RGMA: variants seen among roughly 807,000 people sequenced by gnomAD.
RGMA encodes the protein repulsive guidance molecule BMP co-receptor a, also known as repulsive guidance molecule A.
A neutral mutation model predicts 23.2 loss-of-function variants in RGMA; 10 were observed. The ratio of observed to expected loss-of-function variants is 0.43; its 90% CI spans 0.27 to 0.73. The LOEUF is 0.73. Among genes scored for constraint, RGMA ranks in the 30% least tolerant of loss-of-function variants. The probability of loss-of-function intolerance (pLI) is 0.20; values close to 1 mark genes in which losing one functional copy is unlikely to be tolerated. For synonymous variants in RGMA, 308 were observed against 279.3 expected (o/e 1.10, Z -1.03); for missense variants, 547 against 630.5 (o/e 0.87, Z 1.42).
At chr15:93,060,296 G>T (rs4778080) in intron 2 of RGMA, among the ~76,000 whole-genome samples, 93,782 of 152,014 alleles carry the variant, frequency 0.62, 29,125 homozygotes, top group East Asian at 0.82. Context: ...GCATATTATG[G>T]GGTATTATGT....
At chr15:93,082,175 G>C (rs1292213095) in intron 1 of RGMA, among the ~76,000 whole-genome samples, 1 of 152,232 alleles carries the variant, frequency 6.6e-6, no homozygotes, top group Admixed American at 6.5e-5. Flanking sequence ...ATCATGGACA[G>C]GAACTATTGT....
intron 2 of RGMA, among the ~76,000 whole-genome samples, chr15:93,059,751 C>A (rs2141822978): frequency 6.6e-6 from 1 of 152,330 alleles, no homozygotes; most frequent in African/African-American, 2.4e-5. Flanking sequence ...GGTCAAGGAC[C>A]TGAATGAAAT....
intron 1 of RGMA, chr15:93,088,550 T>TG (rs1195404260): frequency 9.9e-7 from 1 of 1,010,926 alleles, no homozygotes; most frequent in Non-Finnish European, 1.2e-6. Context: ...CGCGGGCCAA[T>TG]GGGGGTTCAC....
At chr15:93,056,935 G>A (rs2055024298) in intron 2 of RGMA, among the ~76,000 whole-genome samples, 1 of 152,180 alleles carries the variant, frequency 6.6e-6, no homozygotes, top group African/African-American at 2.4e-5. Context: ...GCCCCGGGAG[G>A]TCAGAGGTTA....
intron 2 of RGMA, 108 bp downstream of exon 2, chr15:93,072,808 G>T: frequency 2.4e-6 from 3 of 1,227,146 alleles, no homozygotes; most frequent in Non-Finnish European, 2.3e-6. Flanking sequence ...GGCGGGGTCC[G>T]GAGGAGGTCC....
intron 2 of RGMA, among the ~76,000 whole-genome samples, chr15:93,052,849 T>C (rs897781959): frequency 1.3e-5 from 2 of 152,180 alleles, no homozygotes; most frequent in African/African-American, 4.8e-5. Flanking sequence ...TATATACACT[T>C]TCATGGCCAT....
intron 2 of RGMA, among the ~76,000 whole-genome samples, chr15:93,062,451 G>A (rs1894997162): frequency 1.3e-5 from 2 of 152,228 alleles, no homozygotes; most frequent in South Asian, 2.1e-4. Context: ...AAGATCTGAC[G>A]ACAGGGACCT....
chr15:93,047,279 CAG>C (rs1239751794), intron 3 of RGMA, among the ~76,000 whole-genome samples: 2 of 152,164 alleles, frequency 1.3e-5, no homozygotes, highest in African/African-American at 4.8e-5. Flanking sequence ...GGGTTGGAAA[CAG>C]AGAAACTGGG....
At position 93,065,654 on chromosome 15, in the gene RGMA, C is replaced by T. The variant is rs1044485968; in HGVS notation, c.130+7262G>A. On this transcript the variant is annotated intron_variant, in intron 2 of 3. Coordinates refer to ENST00000329082, the MANE Select transcript of RGMA (RefSeq NM_020211.3). ...TGAGGTCTCAGGGGCTGCGGGCTGCCGGGGGCCGGGGCCTGCTGCCCTCTC... is the reference window on the plus strand; with the variant it reads ...TGAGGTCTCAGGGGCTGCGGGCTGCTGGGGGCCGGGGCCTGCTGCCCTCTC... The T allele has an allele frequency of 1.5e-5, 15 of 1,011,044 alleles. No individual in the cohort carries two copies. The East Asian group carries it at 2.0e-4, about 13-fold the overall frequency. 62.6% of individuals were successfully genotyped at this position (1,011,044 alleles called of 1,614,324 possible).
At position 93,080,505 on chromosome 15, in the gene RGMA, A is replaced by G. The variant is rs181783094; in HGVS notation, c.15-7474T>C. On this transcript the variant is annotated intron_variant, in intron 1 of 3. Transcript: ENST00000329082. ...GTTTGGGCAGCTCTGGGTGACTCCCAGCTGCCAGGCCACCTCTGATGAGAT... is the reference window on the plus strand; with the variant it reads ...GTTTGGGCAGCTCTGGGTGACTCCCGGCTGCCAGGCCACCTCTGATGAGAT... Among the ~76,000 whole-genome samples, 371 of 152,338 alleles carry G rather than the reference A, an allele frequency of 2.4e-3. 3 individuals are homozygous for G. Among genetic ancestry groups the G allele is most frequent in the East Asian group, 0.014 (72 of 5,186 alleles).
At chr15:93,084,245 A>C (rs1895602305) in intron 1 of RGMA, among the ~76,000 whole-genome samples, 1 of 152,228 alleles carries the variant, frequency 6.6e-6, no homozygotes, top group East Asian at 1.9e-4. Flanking sequence ...GCACACTGGC[A>C]ACACATTTCT....
Position 93,044,820 on chromosome 15 carries a change from T to C in RGMA, c.*178A>G. Reference sequence around the variant, plus strand: ...CATCATGGCACCAGTCACCACAACCTTGTCACGTGCACTAGAAGGGGAGGG... The same window carrying C: ...CATCATGGCACCAGTCACCACAACCCTGTCACGTGCACTAGAAGGGGAGGG... On this transcript the variant is annotated 3_prime_UTR_variant, in exon 4 of 4. Transcript: ENST00000329082. The C allele has an allele frequency of 1.1e-5, 7 of 609,908 alleles. No individual in the cohort carries two copies. The highest frequency in any genetic ancestry group is 2.0e-5 in the Non-Finnish European group (7 of 344,276). The allele number at this position is 609,908 out of a possible 1,614,324, so 37.8% of individuals were successfully genotyped here. A position where few individuals can be genotyped will look rare whatever the true frequency, so the allele number is the denominator to read the frequency against.
chr15:93,077,091 C>G (rs755175997), intron 1 of RGMA, among the ~76,000 whole-genome samples: 3 of 152,158 alleles, frequency 2.0e-5, no homozygotes, highest in African/African-American at 4.8e-5. Context: ...ACACCCAGCA[C>G]GCCAGGAACA....
At chr15:93,071,236 G>A (rs1359874535) in intron 2 of RGMA, among the ~76,000 whole-genome samples, 1 of 152,170 alleles carries the variant, frequency 6.6e-6, no homozygotes, top group Admixed American at 6.5e-5. Flanking sequence ...GCAAACTCCT[G>A]CTTTTCCAAA....
intron 1 of RGMA, among the ~76,000 whole-genome samples, chr15:93,079,876 G>T (rs928528171): frequency 5.9e-5 from 9 of 152,112 alleles, no homozygotes; most frequent in African/African-American, 2.2e-4. Context: ...GGAGGTACAG[G>T]GTGCATGCCT....
Position 93,088,984 on chromosome 15 carries a change from G to C in RGMA, c.-52C>G, listed in dbSNP as rs1030520419. The stretch of plus-strand genomic sequence containing the variant: ...CGCTGGCGGGGCTGCGGGAGAAGAG[G>C]GGGTGTCGGGGCGCCGCTCGTCTGC... On this transcript the variant is annotated 5_prime_UTR_variant, in exon 1 of 4. Coordinates refer to ENST00000329082, the MANE Select transcript of RGMA (RefSeq NM_020211.3). The C allele has an allele frequency of 2.4e-5, 30 of 1,267,266 alleles. No homozygotes were observed. The highest frequency in any genetic ancestry group is 1.9e-4 in the African/African-American group (12 of 63,226). The allele number at this position is 1,267,266 out of a possible 1,614,324, so 78.5% of individuals were successfully genotyped here.
At chr15:93,080,163 C>T (rs1444764098) in intron 1 of RGMA, among the ~76,000 whole-genome samples, 1 of 151,960 alleles carries the variant, frequency 6.6e-6, no homozygotes, top group Non-Finnish European at 1.5e-5. Flanking sequence ...CCAAATATTG[C>T]CAAGTATTGG....
Position 93,089,057 on chromosome 15 carries a change from C to G in RGMA, c.-125G>C. On this transcript the variant is annotated 5_prime_UTR_variant, in exon 1 of 4. Coordinates refer to ENST00000329082, the MANE Select transcript of RGMA (RefSeq NM_020211.3). ...TCCGCTGGCGCTGGTCCCCGCCGCC[C>G]CGGCCGGCTCAGCAGCGGCCCGGGG... The G allele has an allele frequency of 7.8e-6, 4 of 513,186 alleles. No individual in the cohort carries two copies. Among genetic ancestry groups the G allele is most frequent in the Non-Finnish European group, 1.2e-5 (4 of 324,172 alleles). 31.8% of individuals were successfully genotyped at this position (513,186 alleles called of 1,614,324 possible).
At chr15:93,073,697 T>G in intron 1 of RGMA, 1 of 1,537,242 alleles carries the variant, frequency 6.5e-7, no homozygotes, top group Non-Finnish European at 8.7e-7. Flanking sequence ...GATGGCTCTC[T>G]GCATCTCAGC....
Sources: gnomAD v4.1 joint callset for allele counts (sites outside exome capture counted in the v4.1 genomes callset) on GRCh38, gnomAD v4.1.1 for gene constraint, MANE v1.5 for transcripts, NCBI Gene and HGNC (gene_info 2026-07-23, HGNC 2026-07-21) for gene names.